The following DEPDC5 variants were observed in gnomAD, a reference collection of about 807,000 sequenced individuals.
DEPDC5 encodes GATOR1 complex protein DEPDC5.
DEPDC5 carries 73 observed loss-of-function variants against 217.3 expected under a neutral mutation model. That is an observed-to-expected ratio of 0.34 (90% CI 0.28 to 0.41). The LOEUF (loss-of-function observed/expected upper bound fraction) is 0.41, where lower values mean the gene tolerates loss of function less well. DEPDC5 is among the 10% of genes least tolerant of loss of function. The pLI, the probability that DEPDC5 is intolerant of heterozygous loss-of-function variation, is 1.00. For synonymous variants in DEPDC5, 733 were observed against 756.7 expected, an observed-to-expected ratio of 0.97 and a Z score of 0.51; for missense variants, 1,675 against 2,070.1, an observed-to-expected ratio of 0.81 and a Z score of 3.70.
At chr22:31,777,965 C>A in intron 7 of DEPDC5, 134 bp from the exon 8 acceptor site, 1 of 897,762 alleles carries the variant, frequency 1.1e-6, no homozygotes, top group Non-Finnish European at 1.8e-6. Context: ...CCAGGCTGGT[C>A]TCGAAGTCCT....
rs369847782 is a variant in DEPDC5, at chr22:31,798,033, G to A, written c.871+330G>A. 7.3e-5 allele frequency among the ~76,000 whole-genome samples: 11 copies of A among 151,668 alleles called. No individual in the cohort carries two copies. In the South Asian group the frequency reaches 2.1e-3, roughly 29 times the overall value. On this transcript the variant is annotated intron_variant, in intron 13 of 42. Coordinates refer to ENST00000651528, the MANE Select transcript of DEPDC5 (RefSeq NM_001242896.3). ...CCACTGGGGCTCAAGCAATCCTCCT[G>A]CCTCAGCCTCCCGGGTAGCTAGGAC... is the stretch of plus-strand genomic sequence containing the variant.
At chr22:31,817,819 C>T (rs2089302197) in intron 21 of DEPDC5, among the ~76,000 whole-genome samples, 1 of 151,634 alleles carries the variant, frequency 6.6e-6, no homozygotes, top group Admixed American at 6.6e-5. Flanking sequence ...CTAGGTTTTT[C>T]TCTTTTATTT....
chr22:31,848,337 C>G (rs2091857542), intron 31 of DEPDC5, among the ~76,000 whole-genome samples: 1 of 152,350 alleles, frequency 6.6e-6, no homozygotes, highest in East Asian at 1.9e-4. Context: ...TCCTTCCGCA[C>G]TGCCCTAGCA....
At chr22:31,888,306 G>A (rs1321653474) in intron 38 of DEPDC5, among the ~76,000 whole-genome samples, 1 of 129,428 alleles carries the variant, frequency 7.7e-6, no homozygotes, top group Non-Finnish European at 1.6e-5. Context: ...CTGGAGTGCA[G>A]TGGCGTGATC....
At chr22:31,783,548 C>A (rs866184612) in intron 8 of DEPDC5, among the ~76,000 whole-genome samples, 48 of 152,110 alleles carry the variant, frequency 3.2e-4, no homozygotes, top group African/African-American at 1.1e-3. Context: ...ATAGTTCCAG[C>A]TACTCGAGAG....
At chr22:31,874,505 G>A (rs1198253851) in intron 36 of DEPDC5, 100 bp downstream of exon 36, 2 of 1,427,746 alleles carry the variant, frequency 1.4e-6, no homozygotes, top group African/African-American at 2.9e-5. Flanking sequence ...GAGATCTGCA[G>A]GTTGGGGTGA....
intron 6 of DEPDC5, among the ~76,000 whole-genome samples, chr22:31,767,485 G>C (rs2082918642): frequency 6.6e-6 from 1 of 152,076 alleles, no homozygotes; most frequent in Non-Finnish European, 1.5e-5. Context: ...AGTAGAGATG[G>C]GGTTTCTCCA....
chr22:31,806,363 G>T (rs1409206437), intron 18 of DEPDC5, among the ~76,000 whole-genome samples, 172 bp downstream of exon 18: 1 of 152,212 alleles, frequency 6.6e-6, no homozygotes, highest in Non-Finnish European at 1.5e-5. Context: ...GAGAGCCTTT[G>T]TGGACTATCA....
At chr22:31,799,845 G>C (rs1370792664) in intron 14 of DEPDC5, among the ~76,000 whole-genome samples, 2 of 104,972 alleles carry the variant, frequency 1.9e-5, no homozygotes, top group Admixed American at 3.0e-4. Flanking sequence ...GTCTTACTCT[G>C]TCGCTAGGCT....
At chr22:31,805,922 ACT>A in intron 17 of DEPDC5, among the ~76,000 whole-genome samples, 198 bp from the exon 18 acceptor site, 1 of 151,980 alleles carries the variant, frequency 6.6e-6, no homozygotes. Context: ...GTGTAGCCAG[ACT>A]CTGTCTCTAC....
intron 40 of DEPDC5, 62 bp downstream of exon 40, chr22:31,897,715 A>G: frequency 1.3e-6 from 2 of 1,577,602 alleles, no homozygotes; most frequent in South Asian, 1.1e-5. Context: ...TAACAAGGAC[A>G]CCACTCTGGG....
At chr22:31,813,598 T>C (rs1479774385) in intron 20 of DEPDC5, among the ~76,000 whole-genome samples, 1 of 152,144 alleles carries the variant, frequency 6.6e-6, no homozygotes, top group Non-Finnish European at 1.5e-5. Context: ...TTTGCTTCTC[T>C]ATAGGGCTTC....
chr22:31,893,513 AGTTATTT>A, intron 38 of DEPDC5, 62 bp from the exon 39 acceptor site: 1 of 1,394,868 alleles, frequency 7.2e-7, no homozygotes, highest in Non-Finnish European at 9.5e-7. Flanking sequence ...CTGGATACTT[AGTTATTT>A]GTTCTTCTTC....
At chr22:31,783,852 A>G (rs1039469588) in intron 8 of DEPDC5, 55 bp from the exon 9 acceptor site, 3 of 1,498,066 alleles carry the variant, frequency 2.0e-6, no homozygotes, top group Admixed American at 3.6e-5. Context: ...TTCATCTTAT[A>G]GAACTGAAAC....
chr22:31,768,724 C>T, intron 6 of DEPDC5, 90 bp from the exon 7 acceptor site: 1 of 1,133,366 alleles, frequency 8.8e-7, no homozygotes, highest in South Asian at 1.5e-5. Flanking sequence ...TGTGATTTTT[C>T]ATGGCCTTAA....
rs1422399658 is a variant in DEPDC5 at position 31,845,066 on chromosome 22, A to G, written c.2850A>G (p.Pro950=). Residue 950 remains proline (P), a synonymous_variant, in exon 30 of 43, where the codon CCA becomes CCG. Coordinates refer to ENST00000651528, the MANE Select transcript of DEPDC5 (RefSeq NM_001242896.3). ...GGAGGACCCGCTTCCTGCTGCTGCCAGCCTGTGTCACCGCCACCAAGCGCA... is the reference window on the plus strand; with the variant it reads ...GGAGGACCCGCTTCCTGCTGCTGCCGGCCTGTGTCACCGCCACCAAGCGCA... ...KFWRTRFLLL[P]ACVTATKRIT... is the part of the protein sequence containing the mutation. The G allele has an allele frequency of 6.8e-6, 11 of 1,614,150 alleles. No homozygotes were observed. Among genetic ancestry groups the G allele is most frequent in the Middle Eastern group, 3.3e-4 (2 of 6,060 alleles).
intron 13 of DEPDC5, 49 bp downstream of exon 13, chr22:31,797,752 A>C: frequency 7.1e-7 from 1 of 1,415,894 alleles, no homozygotes. Context: ...GAAGTGTAGG[A>C]GGGGTCTGGG....
intron 6 of DEPDC5, among the ~76,000 whole-genome samples, chr22:31,768,470 A>G (rs2083020510): frequency 6.6e-6 from 1 of 152,226 alleles, no homozygotes; most frequent in African/African-American, 2.4e-5. Context: ...AATGAGAAAC[A>G]ACACAATATT....
chr22:31,797,297 G>A (rs1681447160), intron 12 of DEPDC5, among the ~76,000 whole-genome samples: 3 of 152,148 alleles, frequency 2.0e-5, no homozygotes, highest in Non-Finnish European at 2.9e-5. Flanking sequence ...GGCTCAGGAG[G>A]CCTCTGGAAA....
Sources: allele counts gnomAD v4.1 joint callset (sites outside exome capture counted in the v4.1 genomes callset), GRCh38; gene constraint gnomAD v4.1.1; transcripts MANE v1.5; gene names NCBI Gene and HGNC (gene_info 2026-07-23, HGNC 2026-07-21).